Variants in BRINP2 observed in about 807,000 individuals in gnomAD.
BRINP2 encodes the protein BMP/retinoic acid inducible neural specific 2.
A neutral mutation model predicts 69.2 loss-of-function variants in BRINP2; 21 were observed. The observed-to-expected ratio is 0.30, with a 90% CI of 0.22 to 0.44. BRINP2 has a LOEUF of 0.44. BRINP2 is among the 20% of genes least tolerant of loss of function. BRINP2 has a pLI of 1.00. For missense variants in BRINP2, 877 were observed against 986.0 expected (o/e 0.89, Z 1.48); for synonymous variants, 380 against 394.1 (o/e 0.96, Z 0.42).
At chr1:177,188,226 A>G (rs1024576434) in intron 1 of BRINP2, among the ~76,000 whole-genome samples, 1 of 152,174 alleles carries the variant, frequency 6.6e-6, no homozygotes, top group Non-Finnish European at 1.5e-5. Flanking sequence ...TTCAATTTCA[A>G]GCTCATATAA....
chr1:177,280,419 T>A lies in BRINP2; in HGVS notation c.1243T>A (p.Ser415Thr). The A allele has an allele frequency of 6.2e-7, 1 of 1,605,030 alleles. No individual in the cohort carries two copies. The highest frequency in any genetic ancestry group is 8.5e-7 in the Non-Finnish European group (1 of 1,175,276). Residue 415 changes from serine (S) to threonine (T), a missense_variant, in exon 8 of 8, where the codon TCC becomes ACC. Coordinates refer to ENST00000361539, the MANE Select transcript of BRINP2 (RefSeq NM_021165.4). ...TTATCTCTGCTCCCCAAGGTCCTTG[T>A]CCTACTGGTGGAACCGAATCCAGTC... ...RFRLPKERSL[S>T]YWWNRIQSLL... is the part of the protein sequence containing the mutation.
chr1:177,245,695 T>A (rs989848280), intron 2 of BRINP2, among the ~76,000 whole-genome samples: 6 of 152,098 alleles, frequency 3.9e-5, no homozygotes, highest in Non-Finnish European at 1.5e-5. Context: ...AGGTCTCAGC[T>A]CCCTCTTCAA....
At chr1:177,194,545 T>TGA (rs1648684614) in intron 1 of BRINP2, among the ~76,000 whole-genome samples, 6 of 152,216 alleles carry the variant, frequency 3.9e-5, no homozygotes, top group Admixed American at 3.9e-4. Flanking sequence ...GGAATGGGAA[T>TGA]GAGATGCATT....
chr1:177,204,536 A>G (rs1006067788), intron 1 of BRINP2, among the ~76,000 whole-genome samples: 1 of 152,190 alleles, frequency 6.6e-6, no homozygotes, highest in Non-Finnish European at 1.5e-5. Flanking sequence ...TGTTTAAGAA[A>G]GAGGCAATGA....
chr1:177,278,274 C>A (rs977891502), intron 6 of BRINP2, among the ~76,000 whole-genome samples: 6 of 151,982 alleles, frequency 3.9e-5, no homozygotes, highest in Non-Finnish European at 7.4e-5. Context: ...AGGTCATTAG[C>A]AATAGCAGGA....
intron 1 of BRINP2, among the ~76,000 whole-genome samples, chr1:177,199,761 T>C (rs74782953): frequency 6.6e-6 from 1 of 152,132 alleles, no homozygotes; most frequent in Non-Finnish European, 1.5e-5. Context: ...AGTAGAAGAC[T>C]TTTTAAAAAA....
intron 1 of BRINP2, among the ~76,000 whole-genome samples, chr1:177,188,671 T>G (rs1216401688): frequency 6.6e-6 from 1 of 152,194 alleles, no homozygotes; most frequent in African/African-American, 2.4e-5. Flanking sequence ...ATTTAACTCT[T>G]ATATTACTTC....
intron 1 of BRINP2, among the ~76,000 whole-genome samples, chr1:177,210,797 G>T (rs1438808621): frequency 6.6e-6 from 1 of 151,104 alleles, no homozygotes; most frequent in African/African-American, 2.4e-5. Flanking sequence ...TCTAAACTGA[G>T]ATGTGCAGTA....
intron 4 of BRINP2, among the ~76,000 whole-genome samples, chr1:177,270,080 G>C (rs1166403315): frequency 2.3e-5 from 2 of 87,322 alleles, no homozygotes; most frequent in Non-Finnish European, 5.6e-5. Context: ...TGGGGCAAGG[G>C]GTGGGGGGGG....
intron 2 of BRINP2, among the ~76,000 whole-genome samples, chr1:177,230,621 T>C (rs938792688): frequency 3.3e-5 from 5 of 152,226 alleles, no homozygotes; most frequent in African/African-American, 4.8e-5. Flanking sequence ...GGAACAAACC[T>C]GTCCTTACCC....
intron 1 of BRINP2, among the ~76,000 whole-genome samples, chr1:177,192,297 G>A (rs1425342587): frequency 6.6e-6 from 1 of 152,136 alleles, no homozygotes; most frequent in African/African-American, 2.4e-5. Flanking sequence ...AGAGACAAGA[G>A]ACCCGGGTTT....
At chr1:177,271,277 G>A (rs1651317286) in intron 4 of BRINP2, among the ~76,000 whole-genome samples, 1 of 152,186 alleles carries the variant, frequency 6.6e-6, no homozygotes, top group South Asian at 2.1e-4. Flanking sequence ...GCATTGTAAG[G>A]ATAATCAAAT....
intron 4 of BRINP2, among the ~76,000 whole-genome samples, chr1:177,257,928 G>GGT (rs1650823221): frequency 6.6e-6 from 1 of 152,170 alleles, no homozygotes; most frequent in South Asian, 2.1e-4. Flanking sequence ...GAACCAGCCT[G>GGT]GTGCCTTGTT....
chr1:177,265,586 A>G (rs1651091857), intron 4 of BRINP2, among the ~76,000 whole-genome samples: 1 of 152,182 alleles, frequency 6.6e-6, no homozygotes, highest in Non-Finnish European at 1.5e-5. Context: ...CTCCCTGCCT[A>G]AAATGCTTCA....
At chr1:177,218,202 A>T (rs573773282) in intron 1 of BRINP2, among the ~76,000 whole-genome samples, 5 of 152,246 alleles carry the variant, frequency 3.3e-5, no homozygotes, top group Non-Finnish European at 5.9e-5. Flanking sequence ...GGGAGTGTAG[A>T]TTAAGCTCCT....
At chr1:177,273,088 G>GT (rs1651381468) in intron 4 of BRINP2, among the ~76,000 whole-genome samples, 1 of 152,170 alleles carries the variant, frequency 6.6e-6, no homozygotes, top group Admixed American at 6.5e-5. Context: ...AAGTCTGTGA[G>GT]TACCACATCA....
chr1:177,217,895 G>A (rs113382574), intron 1 of BRINP2, among the ~76,000 whole-genome samples: 82 of 152,326 alleles, frequency 5.4e-4, no homozygotes, highest in African/African-American at 1.9e-3. Context: ...CAGGGCCACA[G>A]GGTGTAATTC....
chr1:177,231,398 G>A (rs918355859), intron 2 of BRINP2, among the ~76,000 whole-genome samples: 1 of 152,106 alleles, frequency 6.6e-6, no homozygotes, highest in Non-Finnish European at 1.5e-5. Context: ...CTGCAGTAAC[G>A]AGGCAACCAG....
chr1:177,280,473 C>G lies in BRINP2; in HGVS notation c.1297C>G (p.Pro433Ala), dbSNP rs1219068175. The G allele has an allele frequency of 1.2e-6, 2 of 1,614,174 alleles. No individual in the cohort carries two copies. Among genetic ancestry groups the G allele is most frequent in the African/African-American group, 2.7e-5 (2 of 75,070 alleles). Residue 433 changes from proline (P) to alanine (A), a missense_variant, in exon 8 of 8, where the codon CCT (proline) becomes GCT (alanine). Physicochemically the swap from Pro to Ala is conservative, Grantham distance 27. This residue lies in a region of BRINP2 where 566 missense variants were observed against 625.2 expected (regional missense o/e 0.91). Coordinates refer to ENST00000361539, the MANE Select transcript of BRINP2 (RefSeq NM_021165.4). ...CCTCTACTGTGGGGAAAGCACCTTT[C>G]CTGGCACTTTCCTGGAACAGAGCCA... Reference protein sequence around the residue: ...SLLYCGESTFPGTFLEQSHSC... With the variant: ...SLLYCGESTFAGTFLEQSHSC...
Sources: gnomAD v4.1 joint callset for allele counts (sites outside exome capture counted in the v4.1 genomes callset) on GRCh38, gnomAD v4.1.1 for gene constraint, gnomAD v4.1.1 regional missense constraint, MANE v1.5 for transcripts, NCBI Gene and HGNC (gene_info 2026-07-23, HGNC 2026-07-21) for gene names.